Variants in NCKAP5L observed in about 807,000 individuals in gnomAD.
NCKAP5L encodes the protein nck-associated protein 5-like.
Under a neutral mutation model 103.2 loss-of-function variants are expected in NCKAP5L, and 54 were observed. That is an observed-to-expected ratio of 0.52 (90% CI 0.42 to 0.66). The LOEUF is 0.66. Among genes scored for constraint, NCKAP5L ranks in the 30% least tolerant of loss-of-function variants. The probability of loss-of-function intolerance (pLI) is 0.00; values close to 1 mark genes in which losing one functional copy is unlikely to be tolerated. For missense variants in NCKAP5L, 1,733 were observed against 1,750.6 expected, an observed-to-expected ratio of 0.99 and a Z score of 0.18; for synonymous variants, 762 against 748.6, an observed-to-expected ratio of 1.02 and a Z score of -0.29.
intron 1 of NCKAP5L, among the ~76,000 whole-genome samples, chr12:49,825,544 A>C (rs949605282): frequency 6.6e-6 from 1 of 152,092 alleles, no homozygotes; most frequent in Non-Finnish European, 1.5e-5. Context: ...CCCAAGAGGG[A>C]ACAGCAGCTT....
At chr12:49,819,699 G>A (rs544482167) in intron 1 of NCKAP5L, among the ~76,000 whole-genome samples, 1 of 152,204 alleles carries the variant, frequency 6.6e-6, no homozygotes, top group Non-Finnish European at 1.5e-5. Flanking sequence ...TGCCTCAAGG[G>A]AAGAAAAGAA....
Position 49,795,074 on chromosome 12 carries a change from G to A in NCKAP5L, c.2786C>T (p.Pro929Leu). 6.2e-7 allele frequency: 1 copy of A among 1,612,140 alleles called. No homozygotes were observed. Among genetic ancestry groups the A allele is most frequent in the Non-Finnish European group, 8.5e-7 (1 of 1,179,348 alleles). The change falls in exon 8 of 13, where the codon CCA (proline) becomes CTA (leucine). Residue 929 changes from proline to leucine, a missense_variant. Physicochemically the swap from Pro to Leu is moderately conservative, Grantham distance 98. Coordinates refer to ENST00000335999, the MANE Select transcript of NCKAP5L (RefSeq NM_001037806.4). ...SWFGLKKSKL[P>L]ALNRRTEATK... ...GGCCTCTGTGCGGCGGTTCAGCGCT[G>A]GCAGCTTGCTCTTCTTAAGGCCGAA...
rs759265001 is a variant in NCKAP5L, at chr12:49,796,365, G to A, written c.1495C>T (p.Pro499Ser). The A allele has an allele frequency of 5.7e-6, 9 of 1,576,720 alleles. No homozygotes were observed. The highest frequency in any genetic ancestry group is 7.7e-6 in the Non-Finnish European group (9 of 1,161,700). The change falls in exon 8 of 13, where the codon CCA (proline) becomes TCA (serine). Residue 499 changes from proline to serine, a missense_variant. By Grantham distance (74) the Pro-to-Ser change is moderately conservative (BLOSUM62 -1). Transcript: ENST00000335999. ...CCCAGACCCCTTCGGGCCAACAGTG[G>A]GGAGGGGCTGCCGTCTGAGCCACTG... The part of the protein sequence containing the change: ...RNSGSDGSPS[P>S]LLARRGLGGG...
chr12:49,812,112 G>A (rs1946246393), intron 1 of NCKAP5L, among the ~76,000 whole-genome samples: 1 of 152,046 alleles, frequency 6.6e-6, no homozygotes, highest in Non-Finnish European at 1.5e-5. Context: ...AGTATACTCA[G>A]AGATACGTGC....
chr12:49,818,850 G>A (rs1419889238), intron 1 of NCKAP5L, among the ~76,000 whole-genome samples: 3 of 152,058 alleles, frequency 2.0e-5, no homozygotes, highest in Non-Finnish European at 2.9e-5. Flanking sequence ...CACCACTGGA[G>A]GGAATATAAA....
rs1308481063 is a variant in NCKAP5L, at chr12:49,792,283, G to A, written c.3792+163C>T. 1 of 1,403,246 alleles carries A rather than the reference G, an allele frequency of 7.1e-7. No individual in the cohort carries two copies. The highest frequency in any genetic ancestry group is 1.4e-5 in the African/African-American group (1 of 70,270). The allele number at this position is 1,403,246 out of a possible 1,614,324, so 86.9% of individuals were successfully genotyped here. A position where few individuals can be genotyped will look rare whatever the true frequency, so the allele number is the denominator to read the frequency against. On this transcript the variant is annotated intron_variant, in intron 12 of 12. Transcript: ENST00000335999. The surrounding 1 kb of genome is among the most constrained non-coding windows in gnomAD (Gnocchi z 4.5). ...CCACGAGAGAAGTGCAAGGAGGGCAGTGGGGAGGGCCGCTCACAGGGCATC... is the reference window on the plus strand; with the variant it reads ...CCACGAGAGAAGTGCAAGGAGGGCAATGGGGAGGGCCGCTCACAGGGCATC...
At chr12:49,799,917 C>T (rs557470859) in intron 6 of NCKAP5L, among the ~76,000 whole-genome samples, 6 of 152,328 alleles carry the variant, frequency 3.9e-5, no homozygotes, top group Admixed American at 1.3e-4. Context: ...CCCATCCGGC[C>T]GGGCATGGTG....
intron 1 of NCKAP5L, among the ~76,000 whole-genome samples, chr12:49,812,237 A>T (rs992202367): frequency 1.3e-5 from 2 of 152,068 alleles, no homozygotes; most frequent in Non-Finnish European, 2.9e-5. Flanking sequence ...TTCTGTCTCT[A>T]TTGAGTTCCC....
In NCKAP5L at chr12:49,792,339, C is replaced by T. The variant is rs753312157; in HGVS notation, c.3792+107G>A. On this transcript the variant is annotated intron_variant, in intron 12 of 12. Coordinates refer to ENST00000335999, the MANE Select transcript of NCKAP5L (RefSeq NM_001037806.4). This position sits in a 1 kb window ranked among gnomAD's most constrained non-coding sequence, Gnocchi z 4.5. ...GGTCCTCCTCCCAGAGGGTGCAGCACTGAGACTGTGCGACACACAGGCCGT... is the reference window on the plus strand; with the variant it reads ...GGTCCTCCTCCCAGAGGGTGCAGCATTGAGACTGTGCGACACACAGGCCGT... 3.4e-5 allele frequency: 53 copies of T among 1,550,982 alleles called. No homozygotes were observed. Among genetic ancestry groups the T allele is most frequent in the Non-Finnish European group, 4.3e-5 (49 of 1,148,986 alleles).
At chr12:49,806,587 C>G (rs763177633) in intron 1 of NCKAP5L, among the ~76,000 whole-genome samples, 1 of 152,246 alleles carries the variant, frequency 6.6e-6, no homozygotes, top group Non-Finnish European at 1.5e-5. Flanking sequence ...GGGGAGCACC[C>G]GCCTGCGGGA....
intron 1 of NCKAP5L, among the ~76,000 whole-genome samples, chr12:49,814,336 T>C (rs1946274482): frequency 6.6e-6 from 1 of 150,992 alleles, no homozygotes; most frequent in Non-Finnish European, 1.5e-5. Flanking sequence ...TACAAAAAAT[T>C]AGCTGGGTGT....
intron 5 of NCKAP5L, 52 bp from the exon 6 acceptor site, chr12:49,802,019 G>C (rs1238505913): frequency 3.7e-6 from 6 of 1,603,156 alleles, no homozygotes; most frequent in Non-Finnish European, 5.1e-6. Context: ...TGGTGGGAGA[G>C]TGTCACAGTG....
chr12:49,813,987 A>T (rs893290801), intron 1 of NCKAP5L, among the ~76,000 whole-genome samples: 2 of 151,824 alleles, frequency 1.3e-5, no homozygotes, highest in African/African-American at 2.4e-5. Context: ...TAATTTTAAA[A>T]TTTTTTGTAA....
chr12:49,794,838 G>A lies in NCKAP5L; in HGVS notation c.3022C>T (p.Leu1008=). The A allele has an allele frequency of 6.5e-7, 1 of 1,530,604 alleles. No individual in the cohort carries two copies. Among genetic ancestry groups the A allele is most frequent in the Non-Finnish European group, 8.8e-7 (1 of 1,139,970 alleles). The allele number at this position is 1,530,604 out of a possible 1,614,324, so 94.8% of individuals were successfully genotyped here. ...GGPAPGPNTG[L]GQVQGQLAGM... is the part of the protein sequence containing the mutation. ...GCCAGCTGGCCCTGCACCTGCCCCA[G>A]CCCCGTGTTGGGCCCTGGGGCTGGG... is the stretch of plus-strand genomic sequence containing the variant. Residue 1008 remains leucine, a synonymous_variant, in exon 8 of 13, where the codon CTG becomes TTG. Transcript: ENST00000335999.
At chr12:49,808,097 A>T (rs1485817933) in intron 1 of NCKAP5L, among the ~76,000 whole-genome samples, 1 of 152,228 alleles carries the variant, frequency 6.6e-6, no homozygotes, top group Non-Finnish European at 1.5e-5. Flanking sequence ...CTATGTGTGC[A>T]CGCAGTGGTT....
Position 49,795,357 on chromosome 12 carries a change from C to T in NCKAP5L, c.2503G>A (p.Val835Ile). Residue 835 changes from valine to isoleucine, a missense_variant, in exon 8 of 13, where the codon GTC becomes ATC. By Grantham distance (29) the Val-to-Ile change is conservative (BLOSUM62 3). Coordinates refer to ENST00000335999, the MANE Select transcript of NCKAP5L (RefSeq NM_001037806.4). ...TCAGGCTTGGGGGACTCCTTGGTGA[C>T]TAGCGGAGCCCCAGGTCGAGGCACC... Reference protein sequence around the residue: ...KVVPRPGAPLVTKESPKPDKG... With the variant: ...KVVPRPGAPLITKESPKPDKG... 1 of 1,545,512 alleles carries T rather than the reference C, an allele frequency of 6.5e-7. No homozygotes were observed. The highest frequency in any genetic ancestry group is 8.7e-7 in the Non-Finnish European group (1 of 1,152,324).
At chr12:49,828,011 C>T (rs1243621386) in intron 1 of NCKAP5L, among the ~76,000 whole-genome samples, 3 of 152,128 alleles carry the variant, frequency 2.0e-5, no homozygotes, top group Non-Finnish European at 4.4e-5. Context: ...GGGAGCCCGG[C>T]CCCCGGAACA....
At chr12:49,810,948 C>T (rs542125809) in intron 1 of NCKAP5L, among the ~76,000 whole-genome samples, 5 of 152,162 alleles carry the variant, frequency 3.3e-5, no homozygotes, top group Non-Finnish European at 7.3e-5. Flanking sequence ...CAGTGCTGTC[C>T]AGTAGAACTT....
intron 1 of NCKAP5L, among the ~76,000 whole-genome samples, chr12:49,821,631 G>C (rs973468962): frequency 1.3e-5 from 2 of 152,258 alleles, no homozygotes; most frequent in African/African-American, 4.8e-5. Flanking sequence ...TGGAGCACTT[G>C]CTCTTATAGC....
Sources: allele counts gnomAD v4.1 joint callset (sites outside exome capture counted in the v4.1 genomes callset), GRCh38; gene constraint gnomAD v4.1.1; non-coding constraint Gnocchi (gnomAD v3.1); transcripts MANE v1.5; gene names NCBI Gene and HGNC (gene_info 2026-07-23, HGNC 2026-07-21).